The following ANKFN1 variants were observed in gnomAD, a reference collection of about 807,000 sequenced individuals.
The protein encoded by ANKFN1 is ankyrin repeat and fibronectin type III domain containing 1.
Under a neutral mutation model 108.7 loss-of-function variants are expected in ANKFN1, and 74 were observed. The observed-to-expected ratio is 0.68, with a 90% CI of 0.56 to 0.83. The LOEUF is 0.83. ANKFN1 is among the 40% of genes least tolerant of loss of function. The probability of loss-of-function intolerance (pLI) is 0.00; values close to 1 mark genes in which losing one functional copy is unlikely to be tolerated. For missense variants in ANKFN1, 1,505 were observed against 1,382.3 expected, an observed-to-expected ratio of 1.09 and a Z score of -1.41; for synonymous variants, 547 against 516.2, an observed-to-expected ratio of 1.06 and a Z score of -0.81.
chr17:56,458,457 T>C (rs1217996610), intron 14 of ANKFN1, among the ~76,000 whole-genome samples: 1 of 151,970 alleles, frequency 6.6e-6, no homozygotes, highest in Admixed American at 6.5e-5. Context: ...TGGTAAAGCA[T>C]AGACATTTTT....
intron 1 of ANKFN1, among the ~76,000 whole-genome samples, chr17:56,163,745 T>C (rs1485348893): frequency 6.6e-6 from 1 of 152,220 alleles, no homozygotes; most frequent in African/African-American, 2.4e-5. Context: ...TACCTAATAG[T>C]GTTTGACTTC....
intron 1 of ANKFN1, among the ~76,000 whole-genome samples, chr17:56,160,669 C>T (rs1476643006): frequency 6.6e-6 from 1 of 152,258 alleles, no homozygotes; most frequent in South Asian, 2.1e-4. Context: ...TGGGAGCTGC[C>T]GATTGCTTCC....
chr17:56,216,128 A>T (rs140614236), intron 2 of ANKFN1, among the ~76,000 whole-genome samples: 1 of 152,220 alleles, frequency 6.6e-6, no homozygotes, highest in Non-Finnish European at 1.5e-5. Flanking sequence ...AATTTTATGT[A>T]TGAAGCCTTC....
At chr17:56,199,761 CT>C (rs1432764443) in intron 1 of ANKFN1, among the ~76,000 whole-genome samples, 1 of 152,128 alleles carries the variant, frequency 6.6e-6, no homozygotes, top group Non-Finnish European at 1.5e-5. Flanking sequence ...AACAAATACG[CT>C]TTTAGTATAA....
chr17:56,289,102 C>T (rs1403805363), intron 3 of ANKFN1, among the ~76,000 whole-genome samples: 3 of 152,064 alleles, frequency 2.0e-5, no homozygotes, highest in African/African-American at 4.8e-5. Context: ...ATGGAAAGGC[C>T]CTGCATTTTT....
intron 8 of ANKFN1, among the ~76,000 whole-genome samples, chr17:56,422,466 C>T (rs1425538989): frequency 6.6e-6 from 1 of 151,642 alleles, no homozygotes; most frequent in Non-Finnish European, 1.5e-5. Context: ...CATGCACACA[C>T]ACACGCACGC....
chr17:56,098,405 C>G (rs1450412187), intron 4 of ANKFN1, among the ~76,000 whole-genome samples: 2 of 147,342 alleles, frequency 1.4e-5, no homozygotes, highest in Admixed American at 1.3e-4. Flanking sequence ...CCCTGCTACA[C>G]ACATACACAC....
chr17:56,311,825 G>A (rs2045036505), intron 3 of ANKFN1, among the ~76,000 whole-genome samples: 1 of 152,106 alleles, frequency 6.6e-6, no homozygotes, highest in African/African-American at 2.4e-5. Flanking sequence ...TTATATATAT[G>A]CAAATATTCT....
intron 4 of ANKFN1, among the ~76,000 whole-genome samples, chr17:56,113,412 G>A (rs186841327): frequency 1.7e-3 from 258 of 152,302 alleles, no homozygotes; most frequent in Non-Finnish European, 1.9e-3. Flanking sequence ...TAATGAGGCA[G>A]CACTAATTAT....
intron 3 of ANKFN1, among the ~76,000 whole-genome samples, chr17:56,238,304 A>G (rs147824205): frequency 5.9e-4 from 90 of 152,226 alleles, no homozygotes; most frequent in African/African-American, 2.0e-3. Context: ...TCCAATGTTG[A>G]GTTCAGGTCC....
intron 15 of ANKFN1, 149 bp downstream of exon 15, chr17:56,466,720 A>AT: frequency 3.0e-6 from 2 of 672,760 alleles, no homozygotes; most frequent in Non-Finnish European, 4.9e-6. Flanking sequence ...GCAGAAGCTT[A>AT]TTTTTTATTT....
chr17:56,170,449 A>G (rs983769802), intron 1 of ANKFN1, among the ~76,000 whole-genome samples: 7 of 152,044 alleles, frequency 4.6e-5, no homozygotes, highest in African/African-American at 1.7e-4. Flanking sequence ...TTTAATGCCA[A>G]TCTTCATTAA....
intron 1 of ANKFN1, among the ~76,000 whole-genome samples, chr17:56,162,069 C>T (rs1909702568): frequency 6.6e-6 from 1 of 152,134 alleles, no homozygotes. Flanking sequence ...TAGCTTGGGT[C>T]ACATGTCCAC....
intron 9 of ANKFN1, among the ~76,000 whole-genome samples, chr17:56,441,850 A>C (rs1323429631): frequency 6.6e-6 from 1 of 152,126 alleles, no homozygotes; most frequent in Non-Finnish European, 1.5e-5. Context: ...TGATTTCCTA[A>C]CACAGTAAGG....
At chr17:56,178,416 G>A (rs929652862) in intron 1 of ANKFN1, among the ~76,000 whole-genome samples, 1 of 152,190 alleles carries the variant, frequency 6.6e-6, no homozygotes, top group African/African-American at 2.4e-5. Context: ...ACACATTTTA[G>A]CCTGTGGATT....
Position 56,374,658 on chromosome 17 carries a change from C to G in ANKFN1, c.854C>G (p.Thr285Ser), listed in dbSNP as rs774625045. Residue 285 changes from threonine to serine, a missense_variant, in exon 8 of 21, where the codon ACT becomes AGT. Thr to Ser is a moderately conservative substitution (Grantham distance 58). Transcript: ENST00000682825. ...ATGGTAACCAGCAGCACATCACTCA[C>G]TGTCAGCTTCCAAGAGCCTCTTAGC... ...CLMVTSSTSLTVSFQEPLSVN... is the reference protein window; with the variant it reads ...CLMVTSSTSLSVSFQEPLSVN... 1 of 1,613,994 alleles carries G rather than the reference C, an allele frequency of 6.2e-7. No homozygotes were observed. Among genetic ancestry groups the G allele is most frequent in the African/African-American group, 1.3e-5 (1 of 75,040 alleles).
intron 4 of ANKFN1, among the ~76,000 whole-genome samples, chr17:56,071,972 A>G (rs1905125862): frequency 6.6e-6 from 1 of 152,234 alleles, no homozygotes; most frequent in Non-Finnish European, 1.5e-5. Flanking sequence ...GCAAGAGACC[A>G]GGGATTTGTG....
intron 1 of ANKFN1, among the ~76,000 whole-genome samples, chr17:56,163,225 C>T (rs773778623): frequency 5.3e-5 from 8 of 152,050 alleles, no homozygotes; most frequent in Non-Finnish European, 1.0e-4. Flanking sequence ...AAAACCCTTT[C>T]TAACCGAGGT....
chr17:56,363,809 A>C (rs2046588082), intron 6 of ANKFN1, among the ~76,000 whole-genome samples: 1 of 152,174 alleles, frequency 6.6e-6, no homozygotes, highest in Admixed American at 6.5e-5. Context: ...ATTCTGCTAA[A>C]TGAAATAAGC....
Sources: gnomAD v4.1 joint callset for allele counts (sites outside exome capture counted in the v4.1 genomes callset) on GRCh38, gnomAD v4.1.1 for gene constraint, MANE v1.5 for transcripts, NCBI Gene and HGNC (gene_info 2026-07-23, HGNC 2026-07-21) for gene names.